KIF26B: variants seen among roughly 807,000 people sequenced by gnomAD.
The protein encoded by KIF26B is kinesin-like protein KIF26B.
Under a neutral mutation model 151.2 loss-of-function variants are expected in KIF26B, and 63 were observed. The ratio of observed to expected loss-of-function variants is 0.42; its 90% confidence interval spans 0.34 to 0.51. The LOEUF is 0.51. KIF26B is among the 20% of genes least tolerant of loss of function. KIF26B has a pLI of 0.07. For missense variants in KIF26B, 2,813 were observed against 2,913.6 expected (o/e 0.97, Z 0.79); for synonymous variants, 1,357 against 1,262.1 (o/e 1.08, Z -1.59).
In KIF26B at chr1:245,703,309, G is replaced by C. The variant is rs914294472; in HGVS notation, c.*703G>C. The C allele has an allele frequency of 6.6e-6, 1 of 152,516 alleles. No individual in the cohort carries two copies. The highest frequency in any genetic ancestry group is 1.5e-5 in the Non-Finnish European group (1 of 68,052). The allele number at this position is 152,516 out of a possible 1,614,324, so 9.4% of individuals were successfully genotyped here. A position where few individuals can be genotyped will look rare whatever the true frequency, so the allele number is the denominator to read the frequency against. On this transcript the variant is annotated 3_prime_UTR_variant, in exon 15 of 15. Transcript: ENST00000407071. ...CTTCCCTCGGCACGAGCCAGTGTGT[G>C]TGTTTCCAAAGTAGGTTTGGAGCAG...
intron 2 of KIF26B, among the ~76,000 whole-genome samples, chr1:245,304,342 G>A (rs1009682398): frequency 4.6e-5 from 7 of 152,184 alleles, no homozygotes. Context: ...ACCAGAGCAA[G>A]GCTCAGTAGT....
intron 4 of KIF26B, among the ~76,000 whole-genome samples, chr1:245,436,008 C>A (rs750910670): frequency 8.6e-5 from 13 of 152,042 alleles, no homozygotes; most frequent in Admixed American, 2.0e-4. Context: ...AAAACCCCGT[C>A]CCTACTAAAA....
intron 9 of KIF26B, 66 bp downstream of exon 9, chr1:245,612,042 C>T (rs931366350): frequency 4.3e-5 from 59 of 1,361,894 alleles, no homozygotes; most frequent in Middle Eastern, 3.7e-4. Flanking sequence ...ATCCCTTGGG[C>T]AACCATGACC....
At chr1:245,532,701 T>C (rs1302326137) in intron 4 of KIF26B, among the ~76,000 whole-genome samples, 2 of 152,058 alleles carry the variant, frequency 1.3e-5, no homozygotes, top group Admixed American at 1.3e-4. Flanking sequence ...AGTAAACATG[T>C]TATTTGAAGT....
chr1:245,687,841 G>T lies in KIF26B; in HGVS notation c.4858G>T (p.Gly1620Cys). 1 of 1,594,722 alleles carries T rather than the reference G, an allele frequency of 6.3e-7. No individual in the cohort carries two copies. Among genetic ancestry groups the T allele is most frequent in the East Asian group, 2.3e-5 (1 of 43,658 alleles). ...GGCCAGCCCTCAGCACAGTGCCAGC[G>T]GCAGCGGCACCAGCAGCCCCCTGAA... ...NRASPQHSAS[G>C]SGTSSPLNQP... Residue 1620 changes from glycine (G) to cysteine (C), a missense_variant, in exon 12 of 15, where the codon GGC becomes TGC. Coordinates refer to ENST00000407071, the MANE Select transcript of KIF26B (RefSeq NM_018012.4). The surrounding 1 kb of genome is among the most constrained non-coding windows in gnomAD (Gnocchi z 4.9).
chr1:245,689,201 G>A (rs1267793534), intron 12 of KIF26B, among the ~76,000 whole-genome samples: 1 of 152,242 alleles, frequency 6.6e-6, no homozygotes, highest in Non-Finnish European at 1.5e-5. Flanking sequence ...GGGGCAGCCT[G>A]GCTCTTCGCC....
intron 4 of KIF26B, among the ~76,000 whole-genome samples, chr1:245,464,194 A>G (rs998018971): frequency 1.3e-5 from 2 of 152,244 alleles, no homozygotes; most frequent in Admixed American, 6.5e-5. Flanking sequence ...CTGATTCCAA[A>G]CATGGCTACT....
At chr1:245,417,104 T>C (rs1069219) in intron 3 of KIF26B, among the ~76,000 whole-genome samples, 90,769 of 151,804 alleles carry the variant, frequency 0.6, 27,729 homozygotes, top group Middle Eastern at 0.69. Flanking sequence ...TGGCTGTGTC[T>C]GAAAAATGGA....
chr1:245,501,801 CTT>C (rs1380868097), intron 4 of KIF26B, among the ~76,000 whole-genome samples: 1 of 152,146 alleles, frequency 6.6e-6, no homozygotes, highest in African/African-American at 2.4e-5. Context: ...ACCGTTGGGC[CTT>C]TTGCTAAATT....
At chr1:245,254,169 G>T (rs1175170922) in intron 2 of KIF26B, among the ~76,000 whole-genome samples, 1 of 152,052 alleles carries the variant, frequency 6.6e-6, no homozygotes, top group African/African-American at 2.4e-5. Flanking sequence ...AATATTTACT[G>T]AGAAGATGAC....
intron 3 of KIF26B, among the ~76,000 whole-genome samples, chr1:245,396,837 G>T (rs1479728865): frequency 6.6e-6 from 1 of 152,132 alleles, no homozygotes; most frequent in East Asian, 1.9e-4. Flanking sequence ...TATCCTCTTA[G>T]TAAGGAGTTG....
intron 2 of KIF26B, among the ~76,000 whole-genome samples, chr1:245,337,435 G>A (rs1478352203): frequency 6.6e-6 from 1 of 151,754 alleles, no homozygotes; most frequent in Non-Finnish European, 1.5e-5. Context: ...ATCCACCTCG[G>A]CCTCCCAAAG....
intron 2 of KIF26B, among the ~76,000 whole-genome samples, chr1:245,299,526 G>T (rs1671392112): frequency 6.6e-6 from 1 of 152,078 alleles, no homozygotes; most frequent in Non-Finnish European, 1.5e-5. Flanking sequence ...AAATTAAGTA[G>T]TTTGCAAAAT....
At chr1:245,634,622 T>C (rs1289692849) in intron 9 of KIF26B, among the ~76,000 whole-genome samples, 2 of 152,214 alleles carry the variant, frequency 1.3e-5, no homozygotes, top group Non-Finnish European at 2.9e-5. Context: ...TGGTAAATTA[T>C]ATTGATTAGG....
At chr1:245,237,264 C>A (rs983946892) in intron 2 of KIF26B, among the ~76,000 whole-genome samples, 1 of 152,236 alleles carries the variant, frequency 6.6e-6, no homozygotes, top group Non-Finnish European at 1.5e-5. Flanking sequence ...TAAAGTCCAT[C>A]CTTAGACTAC....
intron 4 of KIF26B, among the ~76,000 whole-genome samples, chr1:245,513,325 C>T (rs950675646): frequency 6.6e-6 from 1 of 151,358 alleles, no homozygotes; most frequent in African/African-American, 2.4e-5. Flanking sequence ...TGCACATGGT[C>T]TTTGAGAGAG....
In KIF26B at chr1:245,686,289, C is replaced by T; in HGVS notation, c.3306C>T (p.Ala1102=). The change falls in exon 12 of 15, where the codon GCC becomes GCT. Residue 1102 remains alanine (A), a synonymous_variant. Transcript: ENST00000407071. This position sits in a 1 kb window ranked among gnomAD's most constrained non-coding sequence, Gnocchi z 5.6. ...AGAAGGGGGTCCTGCCGTCTCCCGC[C>T]CCACTGCCTCCCTCGAGCAAGGATT... is the stretch of plus-strand genomic sequence containing the variant. ...YTQKGVLPSP[A]PLPPSSKDSG... 1 of 1,613,070 alleles carries T rather than the reference C, an allele frequency of 6.2e-7. No individual in the cohort carries two copies. Among genetic ancestry groups the T allele is most frequent in the Non-Finnish European group, 8.5e-7 (1 of 1,179,892 alleles).
At chr1:245,573,396 G>A (rs1490873297) in intron 5 of KIF26B, among the ~76,000 whole-genome samples, 2 of 152,250 alleles carry the variant, frequency 1.3e-5, no homozygotes, top group East Asian at 3.9e-4. Flanking sequence ...GGTGGTGGGT[G>A]CCTATAGTCC....
At chr1:245,247,913 G>A (rs919238773) in intron 2 of KIF26B, among the ~76,000 whole-genome samples, 1 of 152,204 alleles carries the variant, frequency 6.6e-6, no homozygotes, top group African/African-American at 2.4e-5. Context: ...CTGCAGGGAA[G>A]TGTTGCAGCA....
Sources: gnomAD v4.1 joint callset for allele counts (sites outside exome capture counted in the v4.1 genomes callset) on GRCh38, gnomAD v4.1.1 for gene constraint, Gnocchi (gnomAD v3.1) non-coding constraint, MANE v1.5 for transcripts, NCBI Gene and HGNC (gene_info 2026-07-23, HGNC 2026-07-21) for gene names.